Variants in GPC6 observed in about 807,000 individuals in gnomAD.
GPC6 encodes glypican-6.
GPC6 carries 14 observed loss-of-function variants against 55.2 expected under a neutral mutation model. The ratio of observed to expected loss-of-function variants is 0.25; its 90% CI spans 0.17 to 0.40. The LOEUF (loss-of-function observed/expected upper bound fraction) is 0.40, where lower values mean the gene tolerates loss of function less well. Among genes scored for constraint, GPC6 ranks in the 10% least tolerant of loss-of-function variants. GPC6 has a pLI of 1.00. For missense variants in GPC6, 641 were observed against 708.5 expected (o/e 0.90, Z 1.08); for synonymous variants, 278 against 259.6 (o/e 1.07, Z -0.68).
chr13:94,029,267 C>T (rs745663416), intron 4 of GPC6, among the ~76,000 whole-genome samples: 2 of 152,106 alleles, frequency 1.3e-5, no homozygotes, highest in East Asian at 3.9e-4. Flanking sequence ...ATTGAAGTGC[C>T]GTTACCTCTC....
intron 1 of GPC6, among the ~76,000 whole-genome samples, chr13:93,460,063 C>T (rs777930000): frequency 4.6e-5 from 7 of 152,198 alleles, no homozygotes; most frequent in Non-Finnish European, 7.3e-5. Flanking sequence ...CATTGTGAGG[C>T]TGAAATAACT....
At chr13:93,824,081 A>T (rs557135539) in intron 2 of GPC6, among the ~76,000 whole-genome samples, 2 of 152,312 alleles carry the variant, frequency 1.3e-5, no homozygotes, top group South Asian at 4.1e-4. Context: ...AAATCTAAAA[A>T]ATACATTCAA....
At chr13:93,983,295 T>C (rs1356434192) in intron 3 of GPC6, among the ~76,000 whole-genome samples, 1 of 152,176 alleles carries the variant, frequency 6.6e-6, no homozygotes, top group Non-Finnish European at 1.5e-5. Context: ...TATGAATGTT[T>C]TTCTCCTGAT....
At chr13:93,392,775 T>C (rs761846074) in intron 1 of GPC6, among the ~76,000 whole-genome samples, 1 of 152,194 alleles carries the variant, frequency 6.6e-6, no homozygotes, top group Non-Finnish European at 1.5e-5. Context: ...AAATATTTTT[T>C]ACATGAAGTA....
chr13:94,361,058 G>A (rs1879038521), intron 6 of GPC6, among the ~76,000 whole-genome samples: 2 of 152,182 alleles, frequency 1.3e-5, no homozygotes, highest in Admixed American at 6.5e-5. Flanking sequence ...CCATAGAAAT[G>A]CAATTCTCAG....
At chr13:93,489,046 A>G (rs1463190250) in intron 1 of GPC6, among the ~76,000 whole-genome samples, 1 of 151,474 alleles carries the variant, frequency 6.6e-6, no homozygotes. Flanking sequence ...GTCCTTGCCC[A>G]TGCCTATGTC....
In GPC6 at chr13:93,722,812, A is replaced by G. The variant is rs1883497003; in HGVS notation, c.320-107342A>G. On this transcript the variant is annotated intron_variant, in intron 2 of 8. Transcript: ENST00000377047. ...CTGTTCCATTCCTGCAATTCTTGGTATTCCTCGACTTGTAGACACATCGCT... is the reference window on the plus strand; with the variant it reads ...CTGTTCCATTCCTGCAATTCTTGGTGTTCCTCGACTTGTAGACACATCGCT... Among the ~76,000 whole-genome samples the G allele has an allele frequency of 4.6e-5, 7 of 151,912 alleles. 1 individual carries two copies. The South Asian group carries it at 1.5e-3, about 32-fold the overall frequency.
In GPC6 at chr13:94,279,405, G is replaced by A. The variant is rs149998816; in HGVS notation, c.878-6944G>A. 1.4e-3 allele frequency among the ~76,000 whole-genome samples: 206 copies of A among 146,558 alleles called. 2 individuals carry two copies. The East Asian group carries it at 0.029, about 21-fold the overall frequency. The stretch of plus-strand genomic sequence containing the variant: ...AAAAAAAAAAACAGCTCCTGGATTC[G>A]TTGATTTGTTGGAAGGATTTTTGTG... On this transcript the variant is annotated intron_variant, in intron 4 of 8. Coordinates refer to ENST00000377047, the MANE Select transcript of GPC6 (RefSeq NM_005708.5).
rs142863156 is a variant in GPC6, at chr13:93,897,184, G to A, written c.711+66639G>A. Among the ~76,000 whole-genome samples the A allele has an allele frequency of 9.8e-3, 1,485 of 151,960 alleles. 20 individuals carry two copies. The highest frequency in any genetic ancestry group is 0.033 in the African/African-American group (1,387 of 41,466). ...GCCGTGAAATGTGGCAGGGAGGAGA[G>A]TGATGAAGAAAGGTTGATTAATGGA... On this transcript the variant is annotated intron_variant, in intron 3 of 8. Coordinates refer to ENST00000377047, the MANE Select transcript of GPC6 (RefSeq NM_005708.5).
At chr13:93,424,731 TTTGG>T (rs1877059715) in intron 1 of GPC6, among the ~76,000 whole-genome samples, 1 of 152,156 alleles carries the variant, frequency 6.6e-6, no homozygotes, top group Non-Finnish European at 1.5e-5. Context: ...GAGAGAGGTT[TTTGG>T]TCTTATTTGT....
intron 4 of GPC6, among the ~76,000 whole-genome samples, chr13:94,226,437 T>G (rs1231917140): frequency 6.6e-6 from 1 of 152,080 alleles, no homozygotes; most frequent in Non-Finnish European, 1.5e-5. Flanking sequence ...ATGTTTGAAT[T>G]TCCACAAAGA....
At chr13:94,113,399 G>C (rs1377984615) in intron 4 of GPC6, among the ~76,000 whole-genome samples, 5 of 152,048 alleles carry the variant, frequency 3.3e-5, no homozygotes, top group Non-Finnish European at 7.4e-5. Context: ...ATTCCTGCAA[G>C]TCTTGTTTCA....
At chr13:93,946,680 G>T (rs925709411) in intron 3 of GPC6, among the ~76,000 whole-genome samples, 1 of 152,122 alleles carries the variant, frequency 6.6e-6, no homozygotes, top group Admixed American at 6.6e-5. Flanking sequence ...TCCTAGAGAG[G>T]CTGTTAAAAC....
At chr13:93,392,893 G>T (rs973444304) in intron 1 of GPC6, among the ~76,000 whole-genome samples, 1 of 152,002 alleles carries the variant, frequency 6.6e-6, no homozygotes, top group African/African-American at 2.4e-5. Flanking sequence ...ATTCTTCCAT[G>T]CCTTAAAATC....
intron 3 of GPC6, among the ~76,000 whole-genome samples, chr13:94,000,769 CCAAA>C (rs1881761110): frequency 6.6e-6 from 1 of 152,106 alleles, no homozygotes; most frequent in South Asian, 2.1e-4. Context: ...AAGCAATTTG[CCAAA>C]CAGTTTTACA....
intron 1 of GPC6, among the ~76,000 whole-genome samples, chr13:93,404,095 T>C (rs1336948935): frequency 6.6e-6 from 1 of 152,132 alleles, no homozygotes; most frequent in Admixed American, 6.6e-5. Context: ...TGACTAAACT[T>C]TGTGGTGATA....
intron 1 of GPC6, among the ~76,000 whole-genome samples, chr13:93,236,604 C>A (rs1423097645): frequency 6.6e-6 from 1 of 152,104 alleles, no homozygotes; most frequent in Non-Finnish European, 1.5e-5. Flanking sequence ...ACTGTGCATG[C>A]GAGGGATGTA....
At chr13:94,231,247 G>A (rs1266970216) in intron 4 of GPC6, among the ~76,000 whole-genome samples, 8 of 152,138 alleles carry the variant, frequency 5.3e-5, no homozygotes, top group Non-Finnish European at 1.0e-4. Flanking sequence ...GGCTGGTGTA[G>A]TCAATCACAA....
chr13:94,027,015 G>A (rs192620664), intron 3 of GPC6, among the ~76,000 whole-genome samples: 21 of 152,284 alleles, frequency 1.4e-4, no homozygotes, highest in Admixed American at 1.4e-3. Context: ...AGTCAAATTA[G>A]AATTCTTAAT....
Sources: gnomAD v4.1 joint callset for allele counts (sites outside exome capture counted in the v4.1 genomes callset) on GRCh38, gnomAD v4.1.1 for gene constraint, MANE v1.5 for transcripts, NCBI Gene and HGNC (gene_info 2026-07-23, HGNC 2026-07-21) for gene names.